Variants in FAM186A observed in about 807,000 individuals in gnomAD.
FAM186A encodes the protein family with sequence similarity 186 member A, also known as protein FAM186A.
In FAM186A, 163 loss-of-function variants were observed where a neutral mutation model predicts 216.8. The ratio of observed to expected loss-of-function variants is 0.75; its 90% CI spans 0.66 to 0.86. The LOEUF (loss-of-function observed/expected upper bound fraction) is 0.86, where lower values mean the gene tolerates loss of function less well. FAM186A is among the 40% of genes least tolerant of loss of function. The pLI is 0.00. For synonymous variants in FAM186A, 805 were observed against 1,025.3 expected (o/e 0.79, Z 4.10); for missense variants, 2,184 against 2,746.2 (o/e 0.80, Z 4.58).
intron 3 of FAM186A, among the ~76,000 whole-genome samples, chr12:50,359,778 A>T (rs531646794): frequency 6.6e-6 from 1 of 152,242 alleles, no homozygotes; most frequent in Non-Finnish European, 1.5e-5. Context: ...GAAAGAAAAT[A>T]GACAGAAAAT....
chr12:50,362,880 A>G (rs760029832), intron 2 of FAM186A, among the ~76,000 whole-genome samples: 5 of 152,156 alleles, frequency 3.3e-5, no homozygotes, highest in Non-Finnish European at 5.9e-5. Context: ...CTGGTGGAAG[A>G]TGCTCCAGAT....
intron 1 of FAM186A, among the ~76,000 whole-genome samples, chr12:50,375,222 A>G (rs1943185506): frequency 1.3e-5 from 2 of 151,482 alleles, no homozygotes; most frequent in South Asian, 4.2e-4. Flanking sequence ...CAAACCAAAA[A>G]CCATTTATTT....
intron 6 of FAM186A, 30 bp downstream of exon 6, chr12:50,331,640 A>C: frequency 2.6e-6 from 4 of 1,521,890 alleles, no homozygotes; most frequent in Non-Finnish European, 2.6e-6. Context: ...ATATCGTCCA[A>C]AGTTTAATAT....
rs1942867166 is a variant in FAM186A, at chr12:50,350,676, A to G, written c.6156T>C (p.Thr2052=). ...GTGAAATCTGTGATGTTCTGAGTAG[A>G]GTAGTGAGAGAAGATGGTGATGTTG... is the stretch of plus-strand genomic sequence containing the variant. ...KPTTSPSSLT[T]LLRTSQISPL... is the part of the protein sequence containing the mutation. The change falls in exon 4 of 8, where the codon ACT becomes ACC. Residue 2052 remains threonine, a synonymous_variant. Coordinates refer to ENST00000327337, the MANE Select transcript of FAM186A (RefSeq NM_001145475.3). 2 of 1,551,480 alleles carry G rather than the reference A, an allele frequency of 1.3e-6. No individual in the cohort carries two copies. Among genetic ancestry groups the G allele is most frequent in the Non-Finnish European group, 1.7e-6 (2 of 1,146,984 alleles).
chr12:50,355,989 AC>A lies in FAM186A; in HGVS notation c.842del (p.Cys281LeufsTer23). On this transcript the variant is annotated frameshift_variant, in exon 4 of 8. Transcript: ENST00000327337. LOFTEE classifies it high-confidence loss of function. ...ACACAGTGGAACTTTGGAAGTTAAC[AC>A]ATTTTAATTCATCATTTAGCATACT... Reference protein sequence around the residue: ...ALSMLNDELKCVNFQSSTVYA... With the variant: ...ALSMLNDELKXVNFQSSTVYA... 2 of 1,551,606 alleles carry A rather than the reference AC, an allele frequency of 1.3e-6. No homozygotes were observed. The highest frequency in any genetic ancestry group is 1.7e-6 in the Non-Finnish European group (2 of 1,146,980).
At chr12:50,359,268 C>A (rs574178561) in intron 3 of FAM186A, among the ~76,000 whole-genome samples, 3 of 151,412 alleles carry the variant, frequency 2.0e-5, no homozygotes, top group Non-Finnish European at 2.9e-5. Flanking sequence ...CGTGGTGACA[C>A]GTGCCTGTAA....
chr12:50,369,800 C>T (rs1194884306), intron 1 of FAM186A, among the ~76,000 whole-genome samples: 3 of 151,890 alleles, frequency 2.0e-5, no homozygotes, highest in Non-Finnish European at 4.4e-5. Context: ...ACCAGCCTGG[C>T]CAACACTGTG....
Position 50,354,237 on chromosome 12 carries a change from C to A in FAM186A, c.2595G>T (p.Lys865Asn). ...EKISENWEEK[K>N]AWLQMKEGKQ... ...TTCCCTCCTTCATCTGGAGCCATGC[C>A]TTTTTTTCTTCCCAATTCTCACTTA... Residue 865 changes from lysine to asparagine, a missense_variant, in exon 4 of 8, where the codon AAG becomes AAT. Physicochemically the swap from Lys to Asn is moderately conservative, Grantham distance 94. Coordinates refer to ENST00000327337, the MANE Select transcript of FAM186A (RefSeq NM_001145475.3). 1 of 1,551,608 alleles carries A rather than the reference C, an allele frequency of 6.4e-7. No individual in the cohort carries two copies. Among genetic ancestry groups the A allele is most frequent in the East Asian group, 2.4e-5 (1 of 40,926 alleles).
intron 1 of FAM186A, among the ~76,000 whole-genome samples, chr12:50,381,630 G>A (rs7310094): frequency 0.7 from 106,855 of 152,136 alleles, 44,056 homozygotes; most frequent in Non-Finnish European, 0.93. Flanking sequence ...AAGAACAGGA[G>A]CAGCTATACT....
intron 4 of FAM186A, among the ~76,000 whole-genome samples, chr12:50,346,833 C>T (rs1450468562): frequency 5.3e-5 from 8 of 151,330 alleles, no homozygotes; most frequent in Admixed American, 2.6e-4. Flanking sequence ...GGCAGCAGAG[C>T]GACACTCTGT....
At chr12:50,395,949 A>C (rs1943408385) in intron 1 of FAM186A, among the ~76,000 whole-genome samples, 2 of 151,706 alleles carry the variant, frequency 1.3e-5, no homozygotes, top group African/African-American at 4.8e-5. Context: ...TTTTAGTAGA[A>C]ACGGTGGTTT....
intron 4 of FAM186A, 71 bp downstream of exon 4, chr12:50,350,258 C>T: frequency 7.5e-7 from 1 of 1,330,118 alleles, no homozygotes; most frequent in Non-Finnish European, 1.0e-6. Flanking sequence ...GAATATACTT[C>T]TGGGACAATG....
chr12:50,361,568 C>CT (rs55919945), intron 2 of FAM186A, among the ~76,000 whole-genome samples: 16 of 133,284 alleles, frequency 1.2e-4, no homozygotes, highest in African/African-American at 3.9e-4. Flanking sequence ...ATCCAGTTGT[C>CT]TTTTTTTTTT....
chr12:50,374,556 C>T (rs10735825), intron 1 of FAM186A, among the ~76,000 whole-genome samples: 106,806 of 152,014 alleles, frequency 0.7, 44,038 homozygotes, highest in Non-Finnish European at 0.93. Context: ...TTTATCGCCT[C>T]GGTATATACA....
At chr12:50,380,383 G>A (rs1173813589) in intron 1 of FAM186A, among the ~76,000 whole-genome samples, 2 of 151,852 alleles carry the variant, frequency 1.3e-5, no homozygotes, top group Non-Finnish European at 2.9e-5. Flanking sequence ...TATATAATAA[G>A]AACTGGTGTT....
intron 1 of FAM186A, among the ~76,000 whole-genome samples, chr12:50,366,886 T>C (rs1943094487): frequency 6.6e-6 from 1 of 151,918 alleles, no homozygotes. Context: ...TGGTGGTGTG[T>C]GCTTATAGTT....
chr12:50,386,459 T>C (rs1943304669), intron 1 of FAM186A, among the ~76,000 whole-genome samples: 2 of 151,852 alleles, frequency 1.3e-5, no homozygotes, highest in Admixed American at 1.3e-4. Flanking sequence ...AAAAAAGATA[T>C]GTGAGGAAAT....
At chr12:50,385,186 G>A (rs7968898) in intron 1 of FAM186A, among the ~76,000 whole-genome samples, 123,515 of 148,954 alleles carry the variant, frequency 0.83, 53,234 homozygotes, top group Non-Finnish European at 0.95. Flanking sequence ...TTGGGAGGCC[G>A]AGGTGGGTGG....
At chr12:50,383,658 G>A (rs1230041040) in intron 1 of FAM186A, among the ~76,000 whole-genome samples, 1 of 152,046 alleles carries the variant, frequency 6.6e-6, no homozygotes, top group Non-Finnish European at 1.5e-5. Flanking sequence ...CCCCCTACTG[G>A]TCTGTGGTTG....
Sources: allele counts gnomAD v4.1 joint callset (sites outside exome capture counted in the v4.1 genomes callset), GRCh38; gene constraint gnomAD v4.1.1; transcripts MANE v1.5; gene names NCBI Gene and HGNC (gene_info 2026-07-23, HGNC 2026-07-21).